Variants in BRINP2 observed in about 807,000 individuals in gnomAD.
BRINP2 encodes the protein BMP/retinoic acid inducible neural specific 2, also known as BMP/retinoic acid-inducible neural-specific protein 2.
Under a neutral mutation model 69.2 loss-of-function variants are expected in BRINP2, and 21 were observed. The observed-to-expected ratio is 0.30, with a 90% CI of 0.22 to 0.44. The LOEUF is 0.44. Ranked by LOEUF, BRINP2 falls within the 20% of genes least tolerant of loss-of-function variation. BRINP2 has a pLI of 1.00. For missense variants in BRINP2, 877 were observed against 986.0 expected, an observed-to-expected ratio of 0.89 and a Z score of 1.48; for synonymous variants, 380 against 394.1, an observed-to-expected ratio of 0.96 and a Z score of 0.42.
chr1:177,198,619 A>G lies in BRINP2; in HGVS notation c.-77+26887A>G, dbSNP rs138639816. 4.6e-5 allele frequency among the ~76,000 whole-genome samples: 7 copies of G among 152,344 alleles called. No individual in the cohort carries two copies. The South Asian group carries it at 6.2e-4, about 14-fold the overall frequency. ...AATGGGCAAAGGAAAACAGATGAGC[A>G]TAGAAGAACTAGCCAGAGAAGAGAT... On this transcript the variant is annotated intron_variant, in intron 1 of 7. Coordinates refer to ENST00000361539, the MANE Select transcript of BRINP2 (RefSeq NM_021165.4).
At chr1:177,245,112 T>G (rs1185660456) in intron 2 of BRINP2, among the ~76,000 whole-genome samples, 2 of 152,068 alleles carry the variant, frequency 1.3e-5, no homozygotes, top group African/African-American at 2.4e-5. Flanking sequence ...CTACTTCCAT[T>G]CCTAGAAACA....
chr1:177,251,926 ATTAG>A (rs1650596602), intron 2 of BRINP2, among the ~76,000 whole-genome samples: 1 of 152,214 alleles, frequency 6.6e-6, no homozygotes, highest in Non-Finnish European at 1.5e-5. Flanking sequence ...ATTAGAAATT[ATTAG>A]TTAATGAAGT....
chr1:177,214,326 G>A (rs747361340), intron 1 of BRINP2, among the ~76,000 whole-genome samples: 1 of 152,042 alleles, frequency 6.6e-6, no homozygotes. Flanking sequence ...CCAGCTACTC[G>A]GGAGGCCAAG....
intron 1 of BRINP2, among the ~76,000 whole-genome samples, chr1:177,228,986 C>G (rs1252324743): frequency 1.3e-5 from 2 of 152,140 alleles, no homozygotes; most frequent in Admixed American, 6.5e-5. Context: ...CTCTCAGGAG[C>G]TGGTATAGAA....
chr1:177,211,439 C>T (rs928565603), intron 1 of BRINP2, among the ~76,000 whole-genome samples: 2 of 152,130 alleles, frequency 1.3e-5, no homozygotes, highest in African/African-American at 2.4e-5. Context: ...GTACATTGCA[C>T]GTACTTGTCA....
At chr1:177,213,666 G>T (rs1180767944) in intron 1 of BRINP2, among the ~76,000 whole-genome samples, 1 of 152,100 alleles carries the variant, frequency 6.6e-6, no homozygotes, top group Non-Finnish European at 1.5e-5. Flanking sequence ...CTGAGTCGTG[G>T]ACGTGTGCAA....
chr1:177,257,351 G>C lies in BRINP2; in HGVS notation c.636G>C (p.Leu212=). Residue 212 remains leucine, a synonymous_variant, in exon 4 of 8, where the codon CTG becomes CTC. Coordinates refer to ENST00000361539, the MANE Select transcript of BRINP2 (RefSeq NM_021165.4). ...ACAGAGAGAGCACGCTGCGACGGCT[G>C]CACCATATCCAGATAGCCACGGGGG... is the stretch of plus-strand genomic sequence containing the variant. ...FIDRESTLRR[L]HHIQIATGAI... The C allele has an allele frequency of 1.9e-6, 3 of 1,613,448 alleles. No homozygotes were observed. The East Asian group carries it at 6.7e-5, about 36-fold the overall frequency.
chr1:177,186,132 T>C (rs1648417561), intron 1 of BRINP2, among the ~76,000 whole-genome samples: 1 of 152,174 alleles, frequency 6.6e-6, no homozygotes, highest in South Asian at 2.1e-4. Flanking sequence ...GATCTGGCCA[T>C]CCCGCTGACA....
rs553009484 is a variant in BRINP2 at position 177,228,762 on chromosome 1, C to T, written c.-76-1039C>T. ...TTCCAAGAAGCCCCACAGTACTGAA[C>T]GGTCCTGTGCATTTGCCCAGAGATT... On this transcript the variant is annotated intron_variant, in intron 1 of 7. Transcript: ENST00000361539. Among the ~76,000 whole-genome samples the T allele has an allele frequency of 1.5e-4, 23 of 152,296 alleles. No individual in the cohort carries two copies. In the South Asian group the frequency reaches 3.5e-3, roughly 23 times the overall value.
chr1:177,180,626 A>G (rs761592217), intron 1 of BRINP2, among the ~76,000 whole-genome samples: 6 of 152,146 alleles, frequency 3.9e-5, no homozygotes, highest in Non-Finnish European at 8.8e-5. Context: ...CAATATATAA[A>G]GCAGATAAAA....
chr1:177,195,541 G>A (rs934295822), intron 1 of BRINP2, among the ~76,000 whole-genome samples: 7 of 150,360 alleles, frequency 4.7e-5, no homozygotes, highest in Admixed American at 6.7e-5. Flanking sequence ...CTCCTATGCC[G>A]TTTCTTACTT....
intron 1 of BRINP2, among the ~76,000 whole-genome samples, chr1:177,194,328 T>C (rs991438156): frequency 2.6e-5 from 4 of 152,228 alleles, no homozygotes; most frequent in Non-Finnish European, 5.9e-5. Flanking sequence ...GTTCCTTCTA[T>C]GAATAGGATA....
At chr1:177,233,026 C>T (rs915487553) in intron 2 of BRINP2, among the ~76,000 whole-genome samples, 13 of 152,170 alleles carry the variant, frequency 8.5e-5, no homozygotes, top group Non-Finnish European at 1.6e-4. Flanking sequence ...AAGAGACCCT[C>T]CTTCTCTTCT....
chr1:177,268,750 A>C (rs186182489), intron 4 of BRINP2, among the ~76,000 whole-genome samples: 2 of 152,244 alleles, frequency 1.3e-5, no homozygotes, highest in African/African-American at 4.8e-5. Context: ...TGGCAGGTAC[A>C]CAGCTCCAGG....
chr1:177,229,741 G>A (rs1283163911), intron 1 of BRINP2, 60 bp from the exon 2 acceptor site: 1 of 1,233,806 alleles, frequency 8.1e-7, no homozygotes, highest in Non-Finnish European at 1.1e-6. Context: ...TATGTGTGAT[G>A]CTCACAGGCC....
intron 1 of BRINP2, among the ~76,000 whole-genome samples, chr1:177,220,508 C>T (rs1170743601): frequency 1.3e-5 from 2 of 152,070 alleles, no homozygotes; most frequent in Non-Finnish European, 2.9e-5. Context: ...CACCTTCTGC[C>T]ATGATTATAA....
intron 4 of BRINP2, among the ~76,000 whole-genome samples, chr1:177,259,354 A>G (rs1369108078): frequency 6.6e-6 from 1 of 152,188 alleles, no homozygotes; most frequent in Non-Finnish European, 1.5e-5. Context: ...AGGTTGGTTC[A>G]TGAGATTGGA....
intron 1 of BRINP2, among the ~76,000 whole-genome samples, chr1:177,173,225 T>C (rs1647991843): frequency 6.6e-6 from 1 of 152,188 alleles, no homozygotes; most frequent in African/African-American, 2.4e-5. Flanking sequence ...GCCACAATGA[T>C]CCTGTCTTAT....
intron 2 of BRINP2, among the ~76,000 whole-genome samples, chr1:177,245,761 T>G (rs1172303620): frequency 6.6e-6 from 1 of 152,116 alleles, no homozygotes; most frequent in Non-Finnish European, 1.5e-5. Flanking sequence ...CTGTTGTCTT[T>G]CATGTTGATT....
Sources: allele counts gnomAD v4.1 joint callset (sites outside exome capture counted in the v4.1 genomes callset), GRCh38; gene constraint gnomAD v4.1.1; transcripts MANE v1.5; gene names NCBI Gene and HGNC (gene_info 2026-07-23, HGNC 2026-07-21).